Variants in LSM1 observed in about 807,000 individuals in gnomAD.
LSM1 encodes LSM1 homolog, mRNA degradation associated, also known as U6 snRNA-associated Sm-like protein LSm1.
LSM1 carries 13 observed loss-of-function variants against 18.0 expected under a neutral mutation model. The ratio of observed to expected loss-of-function variants is 0.72; its 90% CI spans 0.47 to 1.15. The LOEUF (loss-of-function observed/expected upper bound fraction) is 1.15, where lower values mean the gene tolerates loss of function less well. Ranked by LOEUF, LSM1 falls within the 50% of genes most tolerant of loss-of-function variation. LSM1 has a pLI of 0.00. For missense variants in LSM1, 152 were observed against 157.7 expected (o/e 0.96, Z 0.19); for synonymous variants, 46 against 56.0 (o/e 0.82, Z 0.80).
chr8:38,168,696 GA>G (rs1802978580), intron 3 of LSM1, among the ~76,000 whole-genome samples: 1 of 150,644 alleles, frequency 6.6e-6, no homozygotes, highest in Non-Finnish European at 1.5e-5. Context: ...TATTTTATAA[GA>G]AAAATTTTTA....
intron 3 of LSM1, among the ~76,000 whole-genome samples, chr8:38,164,844 A>C (rs1394158541): frequency 6.6e-6 from 1 of 151,982 alleles, no homozygotes; most frequent in African/African-American, 2.4e-5. Flanking sequence ...AAAAAGTAAA[A>C]AGACAAAAAT....
intron 3 of LSM1, among the ~76,000 whole-genome samples, chr8:38,166,723 A>G (rs1802937663): frequency 6.6e-6 from 1 of 152,212 alleles, no homozygotes; most frequent in Non-Finnish European, 1.5e-5. Context: ...AGAAGTTACA[A>G]TGAAAGCCAC....
intron 3 of LSM1, among the ~76,000 whole-genome samples, chr8:38,165,842 C>T (rs1355983192): frequency 6.6e-6 from 1 of 152,128 alleles, no homozygotes; most frequent in Non-Finnish European, 1.5e-5. Context: ...GATCACACCA[C>T]TGCAGTCAGC....
At chr8:38,174,972 C>T (rs553202252) in intron 1 of LSM1, among the ~76,000 whole-genome samples, 2 of 134,794 alleles carry the variant, frequency 1.5e-5, no homozygotes, top group East Asian at 4.5e-4. Flanking sequence ...TCCAGTGAGT[C>T]GAGATCGCGC....
intron 2 of LSM1, among the ~76,000 whole-genome samples, chr8:38,171,477 G>T (rs891646632): frequency 6.6e-6 from 1 of 152,202 alleles, no homozygotes; most frequent in African/African-American, 2.4e-5. Flanking sequence ...AACCAGCCTG[G>T]CCAACATGGC....
At chr8:38,170,617 G>A (rs1180587276) in intron 2 of LSM1, among the ~76,000 whole-genome samples, 1 of 152,134 alleles carries the variant, frequency 6.6e-6, no homozygotes, top group Non-Finnish European at 1.5e-5. Context: ...CTTTTTGTGT[G>A]GGTGTGTATG....
chr8:38,165,416 G>A lies in LSM1; in HGVS notation c.232-1576C>T, dbSNP rs141712717. Among the ~76,000 whole-genome samples, 218 of 151,926 alleles carry A rather than the reference G, an allele frequency of 1.4e-3. 1 individual carries two copies. Among genetic ancestry groups the A allele is most frequent in the African/African-American group, 4.5e-3 (188 of 41,464 alleles). On this transcript the variant is annotated intron_variant, in intron 3 of 3. Coordinates refer to ENST00000311351, the MANE Select transcript of LSM1 (RefSeq NM_014462.3). ...CTTATTTAAAAAATACACACTCATC[G>A]TAGATAATATGGAAAATAGACAAAC...
At chr8:38,163,926 G>T in intron 3 of LSM1, 86 bp from the exon 4 acceptor site, 1 of 1,179,472 alleles carries the variant, frequency 8.5e-7, no homozygotes, top group Non-Finnish European at 1.2e-6. Context: ...CCTCTATCAG[G>T]CTCAGATTAT....
chr8:38,170,166 G>C (rs984472522), intron 2 of LSM1, among the ~76,000 whole-genome samples: 53 of 152,240 alleles, frequency 3.5e-4, no homozygotes, highest in African/African-American at 1.2e-3. Context: ...TCAGATTCCG[G>C]AGTAGCTGGG....
intron 1 of LSM1, among the ~76,000 whole-genome samples, chr8:38,174,995 C>T (rs1157390839): frequency 7.9e-6 from 1 of 125,830 alleles, no homozygotes; most frequent in Non-Finnish European, 1.6e-5. Flanking sequence ...CTGCACACTA[C>T]AGCCTGGGCG....
Position 38,176,454 on chromosome 8 carries a change from G to A in LSM1, c.-134C>T. On this transcript the variant is annotated 5_prime_UTR_variant, in exon 1 of 4. Coordinates refer to ENST00000311351, the MANE Select transcript of LSM1 (RefSeq NM_014462.3). ...GACCGAGACCAGCACTTCTGCCCCG[G>A]CTTTCAGCCGCCGGGGGCTGCCGGA... 1 of 691,184 alleles carries A rather than the reference G, an allele frequency of 1.4e-6. No individual in the cohort carries two copies. Among genetic ancestry groups the A allele is most frequent in the Non-Finnish European group, 2.5e-6 (1 of 406,898 alleles). 42.8% of individuals were successfully genotyped at this position (691,184 alleles called of 1,614,324 possible).
chr8:38,173,101 T>C (rs1803057840), intron 1 of LSM1, among the ~76,000 whole-genome samples: 1 of 152,220 alleles, frequency 6.6e-6, no homozygotes. Flanking sequence ...GAGCTGACAC[T>C]GAAGAATGAA....
chr8:38,176,137 C>A (rs948218239), intron 1 of LSM1, 138 bp downstream of exon 1: 2 of 658,868 alleles, frequency 3.0e-6, no homozygotes, highest in Non-Finnish European at 5.2e-6. Context: ...TGGAGGACAT[C>A]GACGCGGAAC....
chr8:38,163,442 T>C lies in LSM1; in HGVS notation c.*228A>G. On this transcript the variant is annotated 3_prime_UTR_variant, in exon 4 of 4. Coordinates refer to ENST00000311351, the MANE Select transcript of LSM1 (RefSeq NM_014462.3). ...AAAGAAGTAGTTGCTGGTGCCACAG[T>C]GATGTGTGAAGGAGTCTATGCCACT... 1 of 421,442 alleles carries C rather than the reference T, an allele frequency of 2.4e-6. No individual in the cohort carries two copies. Among genetic ancestry groups the C allele is most frequent in the Middle Eastern group, 6.5e-4 (1 of 1,532 alleles). 26.1% of individuals were successfully genotyped at this position (421,442 alleles called of 1,614,324 possible).
At chr8:38,164,659 C>T (rs1802900165) in intron 3 of LSM1, among the ~76,000 whole-genome samples, 1 of 133,842 alleles carries the variant, frequency 7.5e-6, no homozygotes, top group Non-Finnish European at 1.6e-5. Context: ...CTAACTAACT[C>T]CACCAAAAAA....
rs1432277000 is a variant in LSM1 at position 38,176,256 on chromosome 8, G to A, written c.46+19C>T. ...AGGGTCTAACCCCGGGCTCCACCGG[G>A]AGGAGATAAACTACTCACTGTCAAT... is the stretch of plus-strand genomic sequence containing the variant. On this transcript the variant is annotated intron_variant, in intron 1 of 3. Coordinates refer to ENST00000311351, the MANE Select transcript of LSM1 (RefSeq NM_014462.3). 6.2e-7 allele frequency: 1 copy of A among 1,612,494 alleles called. No individual in the cohort carries two copies. Among genetic ancestry groups the A allele is most frequent in the Non-Finnish European group, 8.5e-7 (1 of 1,178,796 alleles).
rs543239738 is a variant in LSM1, at chr8:38,167,151, A to G, written c.231+2651T>C. On this transcript the variant is annotated intron_variant, in intron 3 of 3. Transcript: ENST00000311351. ...GTAAAACTTCTGCAGCATCCAAACC[A>G]TAACATATTTTTTTAAAAAAGGGAA... Among the ~76,000 whole-genome samples, 6 of 152,276 alleles carry G rather than the reference A, an allele frequency of 3.9e-5. No individual in the cohort carries two copies. In the East Asian group the frequency reaches 9.6e-4, roughly 24 times the overall value.
chr8:38,172,078 C>T, intron 1 of LSM1, 45 bp from the exon 2 acceptor site: 1 of 1,317,510 alleles, frequency 7.6e-7, no homozygotes, highest in Non-Finnish European at 1.1e-6. Context: ...CTGACAAGTT[C>T]AGCGAGTATT....
At chr8:38,169,960 T>G in intron 2 of LSM1, 43 bp from the exon 3 acceptor site, 6 of 988,234 alleles carry the variant, frequency 6.1e-6, no homozygotes, top group African/African-American at 1.6e-5. Context: ...TAGTTTAAAC[T>G]ACTGGGTAAA....
Sources: gnomAD v4.1 joint callset for allele counts (sites outside exome capture counted in the v4.1 genomes callset) on GRCh38, gnomAD v4.1.1 for gene constraint, MANE v1.5 for transcripts, NCBI Gene and HGNC (gene_info 2026-07-23, HGNC 2026-07-21) for gene names.